MEGF6: variants seen among roughly 807,000 people sequenced by gnomAD.
MEGF6 encodes the protein multiple EGF like domains 6, also known as multiple epidermal growth factor-like domains protein 6.
In MEGF6, 184 loss-of-function variants were observed where a neutral mutation model predicts 207.1. The observed-to-expected ratio is 0.89, with a 90% CI of 0.79 to 1.00. MEGF6 has a LOEUF of 1.00. Ranked by LOEUF, MEGF6 falls within the 50% of genes least tolerant of loss-of-function variation. The pLI, the probability that MEGF6 is intolerant of heterozygous loss-of-function variation, is 0.00. For missense variants in MEGF6, 2,282 were observed against 2,202.9 expected (o/e 1.04, Z -0.72); for synonymous variants, 1,038 against 910.0 (o/e 1.14, Z -2.53).
chr1:3,594,316 C>A lies in MEGF6; in HGVS notation c.376+1022G>T, dbSNP rs1644025259. 6.6e-6 allele frequency among the ~76,000 whole-genome samples: 1 copy of A among 152,158 alleles called. No homozygotes were observed. The highest frequency in any genetic ancestry group is 2.4e-5 in the African/African-American group (1 of 41,432). On this transcript the variant is annotated intron_variant, in intron 3 of 36. Transcript: ENST00000356575. The surrounding 1 kb of genome is among the most constrained non-coding windows in gnomAD (Gnocchi z 4.2). ...TGGTGGTGCACACCTACAGTCTCAG[C>A]CACTCGGGAGGCTGAGGTGGGAGGA...
Position 3,499,167 on chromosome 1 carries a change from G to A in MEGF6, c.3065C>T (p.Pro1022Leu), listed in dbSNP as rs1640742669. The A allele has an allele frequency of 1.9e-6, 3 of 1,604,350 alleles. No individual in the cohort carries two copies. Among genetic ancestry groups the A allele is most frequent in the East Asian group, 2.2e-5 (1 of 44,544 alleles). ...DPVHGQCHCAPGWMGPSCLQA... is the reference protein window; with the variant it reads ...DPVHGQCHCALGWMGPSCLQA... ...CAGGCAGGAGGGCCCCATCCAGCCAGGGGCACAGTGGCACTGCCCGTGGAC... is the reference window on the plus strand; with the variant it reads ...CAGGCAGGAGGGCCCCATCCAGCCAAGGGCACAGTGGCACTGCCCGTGGAC... The change falls in exon 24 of 37, where the codon CCT becomes CTT. Residue 1022 changes from proline (P) to leucine (L), a missense_variant. By Grantham distance (98) the Pro-to-Leu change is moderately conservative. Transcript: ENST00000356575.
intron 17 of MEGF6, 46 bp from the exon 18 acceptor site, chr1:3,501,967 G>C (rs140082120): frequency 7.1e-7 from 1 of 1,400,024 alleles, no homozygotes; most frequent in Non-Finnish European, 9.3e-7. Flanking sequence ...ACGTGGAGTG[G>C]ACTGACCAGA....
At chr1:3,497,616 C>T in intron 26 of MEGF6, 1 of 669,504 alleles carries the variant, frequency 1.5e-6, no homozygotes. Flanking sequence ...GTGCCCTTGG[C>T]ACAGGCTGCA....
intron 4 of MEGF6, among the ~76,000 whole-genome samples, chr1:3,541,398 C>T (rs993404943): frequency 3.3e-5 from 5 of 152,234 alleles, no homozygotes; most frequent in East Asian, 3.9e-4. Context: ...GTGGAAATGC[C>T]GTTCTCCTGG....
In MEGF6 at chr1:3,505,358, G is replaced by A; in HGVS notation, c.2054-16C>T. 2 of 1,609,346 alleles carry A rather than the reference G, an allele frequency of 1.2e-6. 1 individual carries two copies. The highest frequency in any genetic ancestry group is 3.3e-4 in the Middle Eastern group (2 of 6,056). On this transcript the variant is annotated splice_polypyrimidine_tract_variant and intron_variant, in intron 16 of 36. Transcript: ENST00000356575. ...AGCTCACACTCTGCAGGGCGTGAGA[G>A]AGGGGTGGGTGGGGTTAACCGACCC... is the stretch of plus-strand genomic sequence containing the variant.
rs1569908944 is a variant in MEGF6, at chr1:3,490,429, G to A, written c.*99C>T. The A allele has an allele frequency of 2.3e-6, 3 of 1,333,014 alleles. No individual in the cohort carries two copies. The highest frequency in any genetic ancestry group is 3.2e-6 in the Non-Finnish European group (3 of 951,456). The allele number at this position is 1,333,014 out of a possible 1,614,324, so 82.6% of individuals were successfully genotyped here. On this transcript the variant is annotated 3_prime_UTR_variant, in exon 37 of 37. Coordinates refer to ENST00000356575, the MANE Select transcript of MEGF6 (RefSeq NM_001409.4). ...GGCCCTCAAAGGAAGGGCAGTACCA[G>A]GAGCTCTGGGCCCGTGAAGTGTCCT...
chr1:3,611,696 C>A (rs12751514), upstream of MEGF6, among the ~76,000 whole-genome samples: 1 of 137,744 alleles, frequency 7.3e-6, no homozygotes, highest in East Asian at 2.3e-4. Flanking sequence ...TCCCTCACCC[C>A]AGCCCGGCTC....
chr1:3,527,602 A>G (rs187485043), intron 4 of MEGF6, among the ~76,000 whole-genome samples: 143 of 152,324 alleles, frequency 9.4e-4, no homozygotes, highest in African/African-American at 3.3e-3. Context: ...GCTGGAAAGC[A>G]AAGGGTTAAC....
chr1:3,506,095 C>A lies in MEGF6; in HGVS notation c.1918+13G>T. On this transcript the variant is annotated intron_variant, in intron 15 of 36. Coordinates refer to ENST00000356575, the MANE Select transcript of MEGF6 (RefSeq NM_001409.4). Reference sequence around the variant, plus strand: ...CCACCACCATGGACACTGGAAGGGGCAGTGAGACTCACTGAGGTGGCAGAA... The same window carrying A: ...CCACCACCATGGACACTGGAAGGGGAAGTGAGACTCACTGAGGTGGCAGAA... The A allele has an allele frequency of 6.3e-7, 1 of 1,581,638 alleles. No homozygotes were observed. The highest frequency in any genetic ancestry group is 8.6e-7 in the Non-Finnish European group (1 of 1,163,932).
At chr1:3,520,592 G>A (rs1273195498) in intron 5 of MEGF6, among the ~76,000 whole-genome samples, 1 of 152,068 alleles carries the variant, frequency 6.6e-6, no homozygotes, top group Non-Finnish European at 1.5e-5. Flanking sequence ...GAGCGGCCGG[G>A]GCAATGGGGC....
the MEGF6 span, among the ~76,000 whole-genome samples, chr1:3,622,199 T>C: frequency 6.6e-6 from 1 of 152,140 alleles, no homozygotes; most frequent in Non-Finnish European, 1.5e-5. Context: ...CATCTCGAAT[T>C]GTAATCCCCA....
rs10797402 is a variant in MEGF6, at chr1:3,611,380, C to G, written c.-112G>C. ...ACGCAGCCACAGGTGCCCGCGCCCG[C>G]TCCGCGGAGCCCAAGGTCGCTGCAG... On this transcript the variant is annotated 5_prime_UTR_variant, in exon 1 of 37. Transcript: ENST00000356575. 0.95 allele frequency: 1,252,546 copies of G among 1,312,098 alleles called. 598,245 individuals carry two copies. Among genetic ancestry groups the G allele is most frequent in the East Asian group, 0.98 (30,958 of 31,712 alleles). The allele number at this position is 1,312,098 out of a possible 1,614,324, so 81.3% of individuals were successfully genotyped here. A position where few individuals can be genotyped will look rare whatever the true frequency, so the allele number is the denominator to read the frequency against.
At chr1:3,562,842 C>A (rs1643240884) in intron 4 of MEGF6, among the ~76,000 whole-genome samples, 1 of 152,226 alleles carries the variant, frequency 6.6e-6, no homozygotes, top group Non-Finnish European at 1.5e-5. Flanking sequence ...GCAACACCTC[C>A]CTCTGGGCCA....
chr1:3,496,533 C>G (rs1178692681), intron 29 of MEGF6, 122 bp downstream of exon 29: 2 of 1,435,594 alleles, frequency 1.4e-6, no homozygotes, highest in Non-Finnish European at 1.9e-6. Flanking sequence ...GGGCCAGGCC[C>G]AGCCAGAGGG....
intron 4 of MEGF6, among the ~76,000 whole-genome samples, chr1:3,568,943 C>T (rs996645138): frequency 6.6e-6 from 1 of 152,228 alleles, no homozygotes; most frequent in Admixed American, 6.5e-5. Flanking sequence ...ACATGCCAAA[C>T]CCTCAGTGTG....
At chr1:3,493,564 C>T (rs1640466984) in intron 34 of MEGF6, 5 of 687,868 alleles carry the variant, frequency 7.3e-6, no homozygotes, top group African/African-American at 7.3e-5. Context: ...AGGGCCTGGC[C>T]TAAGGCTCCA....
In MEGF6 at chr1:3,491,131, G is replaced by T. The variant is rs574236310; in HGVS notation, c.4517-172C>A. On this transcript the variant is annotated intron_variant, in intron 35 of 36. Coordinates refer to ENST00000356575, the MANE Select transcript of MEGF6 (RefSeq NM_001409.4). ...GGGAAGGAACGGGGGCGGGAGCTGG[G>T]GGGGGGGGCTCTCCCTCTCCCCATA... is the stretch of plus-strand genomic sequence containing the variant. 1.0e-4 allele frequency among the ~76,000 whole-genome samples: 11 copies of T among 107,450 alleles called. No individual in the cohort carries two copies. The East Asian group carries it at 1.1e-3, about 10-fold the overall frequency. The allele number at this position is 107,450 out of a possible 152,430, so 70.5% of individuals were successfully genotyped here.
intron 4 of MEGF6, among the ~76,000 whole-genome samples, chr1:3,549,234 C>T (rs906919526): frequency 6.6e-6 from 1 of 152,182 alleles, no homozygotes; most frequent in Non-Finnish European, 1.5e-5. Flanking sequence ...TTGGTGAATG[C>T]TCAAGAAGCT....
chr1:3,608,523 C>T (rs995460119), intron 1 of MEGF6, among the ~76,000 whole-genome samples: 3 of 151,946 alleles, frequency 2.0e-5, no homozygotes, highest in Admixed American at 6.6e-5. Context: ...TTGCAGGGCC[C>T]GACCCGCCCT....
Sources: allele counts gnomAD v4.1 joint callset (sites outside exome capture counted in the v4.1 genomes callset), GRCh38; gene constraint gnomAD v4.1.1; non-coding constraint Gnocchi (gnomAD v3.1); transcripts MANE v1.5; gene names NCBI Gene and HGNC (gene_info 2026-07-23, HGNC 2026-07-21).